The following MAML2 variants were observed in gnomAD, a reference collection of about 807,000 sequenced individuals.
The protein encoded by MAML2 is mastermind like transcriptional coactivator 2, also known as mastermind-like protein 2.
In MAML2, 22 loss-of-function variants were observed where a neutral mutation model predicts 96.1. The observed-to-expected ratio is 0.23, with a 90% CI of 0.16 to 0.33. MAML2 has a LOEUF of 0.33. Among genes scored for constraint, MAML2 ranks in the 10% least tolerant of loss-of-function variants. The pLI is 1.00. For missense variants in MAML2, 1,367 were observed against 1,392.4 expected (o/e 0.98, Z 0.29); for synonymous variants, 561 against 521.3 (o/e 1.08, Z -1.04).
At chr11:96,335,027 A>T (rs968420866) in intron 1 of MAML2, among the ~76,000 whole-genome samples, 15 of 152,230 alleles carry the variant, frequency 9.9e-5, no homozygotes, top group Admixed American at 4.6e-4. Context: ...TAGCCCATTC[A>T]CTACCGTCAG....
At chr11:96,141,224 T>A (rs1443494346) in intron 1 of MAML2, among the ~76,000 whole-genome samples, 1 of 152,180 alleles carries the variant, frequency 6.6e-6, no homozygotes, top group African/African-American at 2.4e-5. Context: ...ATGCAACATT[T>A]GAGACATACT....
At position 96,210,263 on chromosome 11, in the gene MAML2, C is replaced by A. The variant is rs151165318; in HGVS notation, c.514-116746G>T. On this transcript the variant is annotated intron_variant, in intron 1 of 4. Coordinates refer to ENST00000524717, the MANE Select transcript of MAML2 (RefSeq NM_032427.4). Reference sequence around the variant, plus strand: ...TAGCTGGGATTACAGGCACCCGACACCACGCCTGGCTAATTTTTGTATTTT... The same window carrying A: ...TAGCTGGGATTACAGGCACCCGACAACACGCCTGGCTAATTTTTGTATTTT... Among the ~76,000 whole-genome samples the A allele has an allele frequency of 5.5e-3, 834 of 152,254 alleles. 9 individuals are homozygous for A. The highest frequency in any genetic ancestry group is 0.019 in the African/African-American group (793 of 41,544).
At chr11:96,151,062 T>C (rs138763852) in intron 1 of MAML2, among the ~76,000 whole-genome samples, 1 of 152,342 alleles carries the variant, frequency 6.6e-6, no homozygotes, top group East Asian at 1.9e-4. Flanking sequence ...TTATCTCCCA[T>C]CATTGCTGAA....
intron 2 of MAML2, among the ~76,000 whole-genome samples, chr11:96,011,233 G>A (rs977698336): frequency 4.6e-5 from 7 of 152,078 alleles, no homozygotes; most frequent in Non-Finnish European, 1.0e-4. Flanking sequence ...TACCTTAAAG[G>A]AAAATAAGTC....
intron 2 of MAML2, among the ~76,000 whole-genome samples, chr11:96,001,785 T>C (rs1858082339): frequency 6.6e-6 from 1 of 152,146 alleles, no homozygotes; most frequent in Non-Finnish European, 1.5e-5. Context: ...CCAAGAATGG[T>C]ATAAAAGGCC....
At chr11:96,320,896 A>G (rs1044199930) in intron 1 of MAML2, among the ~76,000 whole-genome samples, 1 of 152,236 alleles carries the variant, frequency 6.6e-6, no homozygotes, top group African/African-American at 2.4e-5. Flanking sequence ...TCAAGAGCAC[A>G]TCCAGTTGGA....
At chr11:96,175,602 T>TTTTG (rs1861374346) in intron 1 of MAML2, among the ~76,000 whole-genome samples, 4 of 152,020 alleles carry the variant, frequency 2.6e-5, no homozygotes, top group South Asian at 4.1e-4. Context: ...GTTTTGTTTT[T>TTTTG]TTTTAGATGG....
Position 96,115,631 on chromosome 11 carries a change from C to T in MAML2, c.514-22114G>A, listed in dbSNP as rs1860222469. 2.0e-5 allele frequency among the ~76,000 whole-genome samples: 3 copies of T among 152,200 alleles called. No homozygotes were observed. The South Asian group carries it at 6.2e-4, about 31-fold the overall frequency. On this transcript the variant is annotated intron_variant, in intron 1 of 4. Coordinates refer to ENST00000524717, the MANE Select transcript of MAML2 (RefSeq NM_032427.4). ...TGAATACCTCTGTGCTGGGCTCTGT[C>T]ATACACGTGTTCAAGGAGTCACTGG...
chr11:96,124,641 C>A (rs973752942), intron 1 of MAML2, among the ~76,000 whole-genome samples: 5 of 152,180 alleles, frequency 3.3e-5, no homozygotes, highest in Admixed American at 3.3e-4. Context: ...TCATCATCAT[C>A]ATCACTACCA....
Position 96,342,421 on chromosome 11 carries a change from C to T in MAML2, c.-526G>A. On this transcript the variant is annotated 5_prime_UTR_variant, in exon 1 of 5. Coordinates refer to ENST00000524717, the MANE Select transcript of MAML2 (RefSeq NM_032427.4). ...CACATTTCTACCATGTCTATGTAAC[C>T]AGCAGCCTTGACTTTTCCTCAGGTT... 1 of 398,868 alleles carries T rather than the reference C, an allele frequency of 2.5e-6. No homozygotes were observed. Among genetic ancestry groups the T allele is most frequent in the Non-Finnish European group, 4.4e-6 (1 of 226,298 alleles). 24.7% of individuals were successfully genotyped at this position (398,868 alleles called of 1,614,324 possible).
chr11:96,270,526 G>A (rs11606496), intron 1 of MAML2, among the ~76,000 whole-genome samples: 9 of 151,968 alleles, frequency 5.9e-5, no homozygotes, highest in African/African-American at 2.2e-4. Flanking sequence ...GGTCAGGCTG[G>A]TCTCGAACTC....
At chr11:96,249,569 C>A (rs966301496) in intron 1 of MAML2, among the ~76,000 whole-genome samples, 1 of 152,146 alleles carries the variant, frequency 6.6e-6, no homozygotes, top group Non-Finnish European at 1.5e-5. Flanking sequence ...CAATAAATGG[C>A]AGTTCTAGCT....
intron 1 of MAML2, among the ~76,000 whole-genome samples, chr11:96,135,582 A>G (rs1389492897): frequency 5.2e-5 from 7 of 135,734 alleles, no homozygotes; most frequent in East Asian, 4.8e-4. Context: ...TAATGATTTT[A>G]TAGTATTTTT....
rs368311629 is a variant in MAML2, at chr11:96,016,286, C to A, written c.2140-24563G>T. On this transcript the variant is annotated intron_variant, in intron 2 of 4. Coordinates refer to ENST00000524717, the MANE Select transcript of MAML2 (RefSeq NM_032427.4). ...ATGGGGGGAGGGTGGGTGGGCAGTGCACATTAGGAGGGAGCAGAGAGCAAA... is the reference window on the plus strand; with the variant it reads ...ATGGGGGGAGGGTGGGTGGGCAGTGAACATTAGGAGGGAGCAGAGAGCAAA... Among the ~76,000 whole-genome samples, 4 of 151,428 alleles carry A rather than the reference C, an allele frequency of 2.6e-5. No homozygotes were observed. The South Asian group carries it at 6.3e-4, about 24-fold the overall frequency.
chr11:96,166,630 C>A (rs187323913), intron 1 of MAML2, among the ~76,000 whole-genome samples: 2 of 152,168 alleles, frequency 1.3e-5, no homozygotes, highest in East Asian at 1.9e-4. Context: ...TTCTGAGGTT[C>A]GCTGGCATTC....
Position 95,978,271 on chromosome 11 carries a change from T to C in MAML2, c.*677A>G, listed in dbSNP as rs1454201583. On this transcript the variant is annotated 3_prime_UTR_variant, in exon 5 of 5. Transcript: ENST00000524717. ...ATTCGTTGTGGAAGCCAAAATCAAA[T>C]TGCACAGCTCTATATTTTTGTTTAA... 5 of 205,034 alleles carry C rather than the reference T, an allele frequency of 2.4e-5. No homozygotes were observed. The highest frequency in any genetic ancestry group is 2.2e-4 in the East Asian group (3 of 13,396). 12.7% of individuals were successfully genotyped at this position (205,034 alleles called of 1,614,324 possible).
chr11:96,264,578 G>A (rs1174078365), intron 1 of MAML2, among the ~76,000 whole-genome samples: 1 of 152,134 alleles, frequency 6.6e-6, no homozygotes, highest in Non-Finnish European at 1.5e-5. Context: ...CGCTGGGCAA[G>A]GCATTTCCAT....
intron 1 of MAML2, among the ~76,000 whole-genome samples, chr11:96,175,790 C>T (rs1483769699): frequency 6.6e-6 from 1 of 151,956 alleles, no homozygotes; most frequent in Non-Finnish European, 1.5e-5. Flanking sequence ...TTAGTACAGA[C>T]GGGGTTTCAC....
At chr11:96,206,273 C>T (rs1282294438) in intron 1 of MAML2, among the ~76,000 whole-genome samples, 1 of 152,152 alleles carries the variant, frequency 6.6e-6, no homozygotes, top group Non-Finnish European at 1.5e-5. Context: ...AACAATTCTG[C>T]TGAAAAGTGT....
Sources: allele counts gnomAD v4.1 joint callset (sites outside exome capture counted in the v4.1 genomes callset), GRCh38; gene constraint gnomAD v4.1.1; transcripts MANE v1.5; gene names NCBI Gene and HGNC (gene_info 2026-07-23, HGNC 2026-07-21).